The following ELMO1 variants were observed in gnomAD, a reference collection of about 807,000 sequenced individuals.
The protein encoded by ELMO1 is engulfment and cell motility 1.
ELMO1 carries 26 observed loss-of-function variants against 98.9 expected under a neutral mutation model. That is an observed-to-expected ratio of 0.26 (90% CI 0.19 to 0.36). The LOEUF (loss-of-function observed/expected upper bound fraction) is 0.36. ELMO1 is among the 10% of genes least tolerant of loss of function. The pLI is 1.00. For synonymous variants in ELMO1, 346 were observed against 346.0 expected (o/e 1.00, Z 0.00); for missense variants, 627 against 935.2 (o/e 0.67, Z 4.30).
chr7:37,306,654 C>T (rs1329058871), intron 4 of ELMO1, among the ~76,000 whole-genome samples: 1 of 152,118 alleles, frequency 6.6e-6, no homozygotes, highest in Admixed American at 6.5e-5. Flanking sequence ...ATCCAAATCT[C>T]TAAATTTGGA....
At chr7:37,119,632 T>A (rs1347300247) in intron 14 of ELMO1, among the ~76,000 whole-genome samples, 3 of 152,208 alleles carry the variant, frequency 2.0e-5, no homozygotes, top group Non-Finnish European at 4.4e-5. Context: ...AATGAAACAA[T>A]CTTGAGAAAA....
At position 37,426,142 on chromosome 7, in the gene ELMO1, C is replaced by CTTTTTTTTTTTTTTTTTTT. The variant is rs36086006; in HGVS notation, c.-74+22514_-74+22532dup. Among the ~76,000 whole-genome samples the CTTTTTTTTTTTTTTTTTTT allele has an allele frequency of 2.8e-4, 24 of 84,590 alleles. 1 individual carries two copies. The highest frequency in any genetic ancestry group is 8.7e-4 in the South Asian group (2 of 2,302). The allele number at this position is 84,590 out of a possible 152,430, so 55.5% of individuals were successfully genotyped here. A position where few individuals can be genotyped will look rare whatever the true frequency, so the allele number is the denominator to read the frequency against. On this transcript the variant is annotated intron_variant, in intron 1 of 21. Coordinates refer to ENST00000310758, the MANE Select transcript of ELMO1 (RefSeq NM_014800.11). ...TCTCTCTCTCCCTCTTTTTTTCTTT[C>CTTTTTTTTTTTTTTTTTTT]TTTTTTTTTTTTTTTTTTTTTTTTT...
At position 37,314,915 on chromosome 7, in the gene ELMO1, G is replaced by T; in HGVS notation, c.127C>A (p.Leu43Ile). 1 of 1,613,634 alleles carries T rather than the reference G, an allele frequency of 6.2e-7. No individual in the cohort carries two copies. The highest frequency in any genetic ancestry group is 8.5e-7 in the Non-Finnish European group (1 of 1,179,862). ...IIKEVCDGWS[L>I]ANHEYFALQH... Reference sequence around the variant, plus strand: ...AGTGCAAAATATTCATGGTTGGCAAGAGACCACCTTAAAAATACAAGCGTA... The same window carrying T: ...AGTGCAAAATATTCATGGTTGGCAATAGACCACCTTAAAAATACAAGCGTA... Residue 43 changes from leucine to isoleucine, a missense_variant, in exon 4 of 22, where the codon CTT becomes ATT. Physicochemically the swap from Leu to Ile is conservative, Grantham distance 5. Around this residue, in one of 3 missense-constraint regions of ELMO1, gnomAD observed 123 missense variants for 171.2 expected, o/e 0.72. Coordinates refer to ENST00000310758, the MANE Select transcript of ELMO1 (RefSeq NM_014800.11).
intron 1 of ELMO1, among the ~76,000 whole-genome samples, chr7:37,371,175 T>C (rs1802100482): frequency 6.6e-6 from 1 of 152,208 alleles, no homozygotes; most frequent in East Asian, 1.9e-4. Flanking sequence ...CTTAGAATCA[T>C]TCCGTTTTTA....
At chr7:37,409,132 G>GGA (rs1554307968) in intron 1 of ELMO1, among the ~76,000 whole-genome samples, 9 of 138,432 alleles carry the variant, frequency 6.5e-5, no homozygotes, top group African/African-American at 8.2e-5. Context: ...TTTTGCAAGT[G>GGA]AAAAAAAAAA....
chr7:36,930,251 T>C (rs1398349652), intron 16 of ELMO1, among the ~76,000 whole-genome samples: 1 of 152,212 alleles, frequency 6.6e-6, no homozygotes, highest in African/African-American at 2.4e-5. Flanking sequence ...CCCAATGTAG[T>C]TATGTTAACA....
chr7:36,855,465 T>G lies in ELMO1; in HGVS notation c.*86A>C. On this transcript the variant is annotated 3_prime_UTR_variant, in exon 22 of 22. Coordinates refer to ENST00000310758, the MANE Select transcript of ELMO1 (RefSeq NM_014800.11). This position sits in a 1 kb window ranked among gnomAD's most constrained non-coding sequence, Gnocchi z 4.2. The stretch of plus-strand genomic sequence containing the variant: ...ACAGCTTCCCTTTACCAAAGGACGG[T>G]TCCAAGGCGTGGGTGTGTTTTCATT... 1 of 1,546,890 alleles carries G rather than the reference T, an allele frequency of 6.5e-7. No homozygotes were observed. The highest frequency in any genetic ancestry group is 8.9e-7 in the Non-Finnish European group (1 of 1,125,450).
At chr7:36,979,026 C>T (rs956046517) in intron 16 of ELMO1, among the ~76,000 whole-genome samples, 4 of 152,102 alleles carry the variant, frequency 2.6e-5, no homozygotes, top group Non-Finnish European at 4.4e-5. Context: ...GGCAACATGG[C>T]GAAACCTAAA....
In ELMO1 at chr7:37,104,010, C is replaced by CAAAAAAAAAAAAAAAAA. The variant is rs35979251; in HGVS notation, c.1192-7300_1192-7284dup. Among the ~76,000 whole-genome samples the CAAAAAAAAAAAAAAAAA allele has an allele frequency of 2.4e-4, 7 of 29,002 alleles. 1 individual carries two copies. The highest frequency in any genetic ancestry group is 3.3e-4 in the Non-Finnish European group (4 of 12,062). The allele number at this position is 29,002 out of a possible 152,430, so 19.0% of individuals were successfully genotyped here. Reference sequence around the variant, plus strand: ...TGGGTGAGAGAGTGAGACTCCATCTCAAAAAAAAAAAAAAAAAAAAAAAAA... The same window carrying CAAAAAAAAAAAAAAAAA: ...TGGGTGAGAGAGTGAGACTCCATCTCAAAAAAAAAAAAAAAAAAAAAAAAAAAAAAAAAAAAAAAAAA... On this transcript the variant is annotated intron_variant, in intron 14 of 21. Transcript: ENST00000310758.
At chr7:37,216,604 A>G in intron 11 of ELMO1, 41 bp downstream of exon 11, 1 of 1,610,250 alleles carries the variant, frequency 6.2e-7, no homozygotes, top group Non-Finnish European at 8.5e-7. Flanking sequence ...GCACCAGGCC[A>G]CTCCTCCCCC....
intron 18 of ELMO1, among the ~76,000 whole-genome samples, chr7:36,886,817 G>A (rs1805048376): frequency 6.6e-6 from 1 of 152,208 alleles, no homozygotes; most frequent in Non-Finnish European, 1.5e-5. Context: ...ACATTTTGAG[G>A]TTAGAATTTA....
At chr7:37,351,888 G>A (rs1237318383) in intron 1 of ELMO1, among the ~76,000 whole-genome samples, 3 of 152,146 alleles carry the variant, frequency 2.0e-5, no homozygotes, top group Non-Finnish European at 4.4e-5. Flanking sequence ...GTGACGTAGC[G>A]CTCAGCACCT....
At chr7:37,025,444 G>A (rs140638222) in intron 15 of ELMO1, among the ~76,000 whole-genome samples, 1 of 152,328 alleles carries the variant, frequency 6.6e-6, no homozygotes, top group Non-Finnish European at 1.5e-5. Flanking sequence ...GAGTGTGTTT[G>A]TGAGGGTATT....
At chr7:37,438,431 CAAAAA>C (rs543852959) in intron 1 of ELMO1, among the ~76,000 whole-genome samples, 4,945 of 122,552 alleles carry the variant, frequency 0.04, 239 homozygotes, top group South Asian at 0.12. Context: ...ACTAAAAATA[CAAAAA>C]AAAAAAAAAA....
At chr7:36,995,752 G>A (rs1372440783) in intron 16 of ELMO1, among the ~76,000 whole-genome samples, 2 of 152,118 alleles carry the variant, frequency 1.3e-5, no homozygotes, top group African/African-American at 4.8e-5. Flanking sequence ...TCACTCGTAA[G>A]TAACAATGAA....
intron 13 of ELMO1, among the ~76,000 whole-genome samples, chr7:37,193,284 G>T (rs1289190501): frequency 6.6e-6 from 1 of 152,082 alleles, no homozygotes; most frequent in Non-Finnish European, 1.5e-5. Context: ...GTACCAGGTG[G>T]GGCTACGCAG....
chr7:36,885,991 G>A (rs1012617577), intron 18 of ELMO1, among the ~76,000 whole-genome samples: 5 of 152,186 alleles, frequency 3.3e-5, no homozygotes, highest in Non-Finnish European at 5.9e-5. Flanking sequence ...TCACACAGCT[G>A]GACAGGTGTA....
chr7:36,995,937 G>A (rs1450093169), intron 16 of ELMO1, among the ~76,000 whole-genome samples: 3 of 152,146 alleles, frequency 2.0e-5, no homozygotes, highest in Admixed American at 6.5e-5. Flanking sequence ...ATGCAGAGGG[G>A]TGTAATTGAC....
intron 1 of ELMO1, among the ~76,000 whole-genome samples, chr7:37,404,926 A>G (rs977292485): frequency 6.6e-6 from 1 of 151,888 alleles, no homozygotes; most frequent in Non-Finnish European, 1.5e-5. Context: ...CCCATTTTTA[A>G]TTTTTTTCTG....
Sources: allele counts gnomAD v4.1 joint callset (sites outside exome capture counted in the v4.1 genomes callset), GRCh38; gene constraint gnomAD v4.1.1; regional missense constraint gnomAD v4.1.1; non-coding constraint Gnocchi (gnomAD v3.1); transcripts MANE v1.5; gene names NCBI Gene and HGNC (gene_info 2026-07-23, HGNC 2026-07-21).